Variants in GRIN2B observed in about 807,000 individuals in gnomAD.
The protein encoded by GRIN2B is glutamate ionotropic receptor NMDA type subunit 2B, also known as glutamate receptor ionotropic, NMDA 2B.
A neutral mutation model predicts 114.5 loss-of-function variants in GRIN2B; 5 were observed. The observed-to-expected ratio is 0.04, with a 90% CI of 0.02 to 0.09. GRIN2B has a LOEUF of 0.09. Among genes scored for constraint, GRIN2B ranks in the 10% least tolerant of loss-of-function variants. The pLI is 1.00. For missense variants in GRIN2B, 1,108 were observed against 1,943.5 expected (o/e 0.57, Z 8.08); for synonymous variants, 787 against 745.1 (o/e 1.06, Z -0.92).
chr12:13,825,101 T>C (rs1484686202), intron 3 of GRIN2B, among the ~76,000 whole-genome samples: 2 of 152,102 alleles, frequency 1.3e-5, no homozygotes, highest in African/African-American at 4.8e-5. Context: ...AGCCATATTG[T>C]GCAAATTTTA....
chr12:13,733,899 A>G (rs887691088), intron 4 of GRIN2B, among the ~76,000 whole-genome samples: 1 of 152,194 alleles, frequency 6.6e-6, no homozygotes, highest in African/African-American at 2.4e-5. Context: ...AGAGAAGAAA[A>G]CCAATCAAAG....
At chr12:13,728,221 G>A (rs1327317396) in intron 4 of GRIN2B, among the ~76,000 whole-genome samples, 1 of 152,158 alleles carries the variant, frequency 6.6e-6, no homozygotes, top group Non-Finnish European at 1.5e-5. Context: ...AGCAGCCCAC[G>A]ACTCAGATTC....
intron 3 of GRIN2B, among the ~76,000 whole-genome samples, chr12:13,785,530 C>A (rs143327329): frequency 6.6e-6 from 1 of 152,260 alleles, no homozygotes; most frequent in African/African-American, 2.4e-5. Context: ...ACTCTCTCAC[C>A]TTCATATTTT....
intron 4 of GRIN2B, among the ~76,000 whole-genome samples, chr12:13,683,042 G>A (rs1032724499): frequency 6.6e-6 from 1 of 152,156 alleles, no homozygotes; most frequent in Non-Finnish European, 1.5e-5. Flanking sequence ...GTCACCAGCT[G>A]TGATAACCTC....
intron 10 of GRIN2B, 152 bp from the exon 11 acceptor site, chr12:13,572,116 A>G: frequency 1.5e-6 from 1 of 676,334 alleles, no homozygotes; most frequent in East Asian, 2.7e-5. Context: ...CGAATACATT[A>G]GCCCTCACTC....
intron 3 of GRIN2B, among the ~76,000 whole-genome samples, chr12:13,842,221 A>G (rs1269990006): frequency 1.3e-5 from 2 of 152,198 alleles, no homozygotes; most frequent in Admixed American, 1.3e-4. Flanking sequence ...GGGTTTCATT[A>G]TGTTACAGTT....
intron 2 of GRIN2B, among the ~76,000 whole-genome samples, chr12:13,968,592 T>C (rs535115109): frequency 6.6e-6 from 1 of 152,204 alleles, no homozygotes; most frequent in African/African-American, 2.4e-5. Flanking sequence ...AAAATATGCA[T>C]GTGGTAAAGT....
intron 10 of GRIN2B, among the ~76,000 whole-genome samples, chr12:13,578,624 C>T (rs977373037): frequency 6.6e-5 from 10 of 152,186 alleles, no homozygotes; most frequent in Admixed American, 1.3e-4. Context: ...ATCTGACCCA[C>T]AAACCAGTAA....
rs1040325256 is a variant in GRIN2B, at chr12:13,551,410, T to C, written c.*11373A>G. The C allele has an allele frequency of 2.6e-5, 4 of 152,086 alleles. No homozygotes were observed. Among genetic ancestry groups the C allele is most frequent in the East Asian group, 1.9e-4 (1 of 5,168 alleles). The allele number at this position is 152,086 out of a possible 1,614,324, so 9.4% of individuals were successfully genotyped here. A position where few individuals can be genotyped will look rare whatever the true frequency, so the allele number is the denominator to read the frequency against. On this transcript the variant is annotated 3_prime_UTR_variant, in exon 14 of 14. Transcript: ENST00000609686. ...ACCTTAGAAGGCCACATGGATTCCA[T>C]AGGGTAAAATGGGAAAATGGAGACG... is the stretch of plus-strand genomic sequence containing the variant.
chr12:13,655,619 A>G (rs1285237489), intron 5 of GRIN2B, among the ~76,000 whole-genome samples: 1 of 152,086 alleles, frequency 6.6e-6, no homozygotes, highest in African/African-American at 2.4e-5. Flanking sequence ...TCTTCCATTG[A>G]CTAGCTGTGT....
chr12:13,936,033 T>C (rs1591630651), intron 2 of GRIN2B, among the ~76,000 whole-genome samples: 1 of 152,120 alleles, frequency 6.6e-6, no homozygotes, highest in Non-Finnish European at 1.5e-5. Flanking sequence ...TCATAGTTTG[T>C]GGCAGCTAAA....
intron 3 of GRIN2B, among the ~76,000 whole-genome samples, chr12:13,833,049 G>A (rs181035120): frequency 6.6e-6 from 1 of 152,198 alleles, no homozygotes; most frequent in Non-Finnish European, 1.5e-5. Flanking sequence ...CTGTATACTG[G>A]ATGATATACA....
At chr12:13,835,651 T>G (rs1280265370) in intron 3 of GRIN2B, among the ~76,000 whole-genome samples, 2 of 151,524 alleles carry the variant, frequency 1.3e-5, no homozygotes, top group South Asian at 2.1e-4. Flanking sequence ...AGGCACCCCC[T>G]TTAGCCTTCA....
chr12:13,837,586 C>T (rs1312278881), intron 3 of GRIN2B, among the ~76,000 whole-genome samples: 1 of 152,156 alleles, frequency 6.6e-6, no homozygotes, highest in Non-Finnish European at 1.5e-5. Context: ...CAGTGAGGAG[C>T]CTGAAGTTCC....
At chr12:13,762,042 C>T (rs7952960) in intron 3 of GRIN2B, among the ~76,000 whole-genome samples, 2,334 of 152,236 alleles carry the variant, frequency 0.015, 58 homozygotes, top group African/African-American at 0.053. Context: ...CTAGCTCTGT[C>T]ACCCAGGCTG....
At chr12:13,958,621 A>G (rs752766067) in intron 2 of GRIN2B, among the ~76,000 whole-genome samples, 1 of 151,984 alleles carries the variant, frequency 6.6e-6, no homozygotes, top group African/African-American at 2.4e-5. Context: ...CTCATACCAC[A>G]TGTCTCATCC....
intron 3 of GRIN2B, among the ~76,000 whole-genome samples, chr12:13,846,686 G>A (rs1865477961): frequency 6.6e-6 from 1 of 152,170 alleles, no homozygotes; most frequent in South Asian, 2.1e-4. Flanking sequence ...AAGCCACGAA[G>A]GGCCCAGAAA....
chr12:13,656,532 G>C (rs1158766986), intron 5 of GRIN2B, among the ~76,000 whole-genome samples: 1 of 152,174 alleles, frequency 6.6e-6, no homozygotes, highest in Non-Finnish European at 1.5e-5. Context: ...TGGTCGCAAG[G>C]TTCTGAAGAA....
Position 13,556,566 on chromosome 12 carries a change from T to C in GRIN2B, c.*6217A>G, listed in dbSNP as rs1245816190. 1 of 152,180 alleles carries C rather than the reference T, an allele frequency of 6.6e-6. No homozygotes were observed. The highest frequency in any genetic ancestry group is 1.5e-5 in the Non-Finnish European group (1 of 68,030). 9.4% of individuals were successfully genotyped at this position (152,180 alleles called of 1,614,324 possible). On this transcript the variant is annotated 3_prime_UTR_variant, in exon 14 of 14. Transcript: ENST00000609686. ...ATCACAACATTAAAATAATTACCGA[T>C]AAAAGAGTTCAGGTTTAAAGTGTGG...
Sources: allele counts gnomAD v4.1 joint callset (sites outside exome capture counted in the v4.1 genomes callset), GRCh38; gene constraint gnomAD v4.1.1; transcripts MANE v1.5; gene names NCBI Gene and HGNC (gene_info 2026-07-23, HGNC 2026-07-21).